The following LNPK variants were observed in gnomAD, a reference collection of about 807,000 sequenced individuals.
LNPK encodes the protein lunapark, ER junction formation factor, also known as endoplasmic reticulum junction formation protein lunapark.
Under a neutral mutation model 55.2 loss-of-function variants are expected in LNPK, and 29 were observed. The ratio of observed to expected loss-of-function variants is 0.53; its 90% CI spans 0.39 to 0.72. The LOEUF is 0.72. LNPK is among the 30% of genes least tolerant of loss of function. The probability of loss-of-function intolerance (pLI) is 0.00; values close to 1 mark genes in which losing one functional copy is unlikely to be tolerated. For missense variants in LNPK, 467 were observed against 494.8 expected (o/e 0.94, Z 0.53); for synonymous variants, 162 against 168.2 (o/e 0.96, Z 0.29).
chr2:175,946,958 T>C (rs566906950), intron 9 of LNPK, among the ~76,000 whole-genome samples: 6 of 152,174 alleles, frequency 3.9e-5, no homozygotes, highest in African/African-American at 1.4e-4. Context: ...AATATGTTCA[T>C]TTAATAGAGC....
chr2:175,954,825 G>T lies in LNPK; in HGVS notation c.494-7133C>A, dbSNP rs116238558. Among the ~76,000 whole-genome samples the T allele has an allele frequency of 2.7e-3, 415 of 152,250 alleles. 2 individuals carry two copies. Among genetic ancestry groups the T allele is most frequent in the African/African-American group, 9.4e-3 (389 of 41,540 alleles). On this transcript the variant is annotated intron_variant, in intron 8 of 12. Transcript: ENST00000272748. ...AACTCATTTATTAAGCAACCACTAAGAGTAAAGCACCAGCATAAGCACATT... is the reference window on the plus strand; with the variant it reads ...AACTCATTTATTAAGCAACCACTAATAGTAAAGCACCAGCATAAGCACATT...
At chr2:175,989,206 A>G (rs1687578374) in intron 4 of LNPK, among the ~76,000 whole-genome samples, 1 of 152,162 alleles carries the variant, frequency 6.6e-6, no homozygotes, top group Non-Finnish European at 1.5e-5. Context: ...GGGGAGAGAG[A>G]GGAGGCATGA....
intron 5 of LNPK, among the ~76,000 whole-genome samples, chr2:175,978,904 A>G (rs749450931): frequency 5.5e-4 from 83 of 152,258 alleles, no homozygotes; most frequent in Admixed American, 3.7e-3. Context: ...TCGTTGGGGT[A>G]GATTATAGGA....
chr2:175,954,014 G>A (rs901872430), intron 8 of LNPK, among the ~76,000 whole-genome samples: 3 of 152,094 alleles, frequency 2.0e-5, no homozygotes, highest in African/African-American at 7.2e-5. Flanking sequence ...CTCTTCCAGT[G>A]CTTGCACACG....
intron 5 of LNPK, 140 bp downstream of exon 5, chr2:175,979,670 T>C (rs1021262775): frequency 8.0e-6 from 5 of 621,508 alleles, no homozygotes; most frequent in Non-Finnish European, 1.2e-5. Context: ...ATTTATAACC[T>C]TTCTCATGCT....
In LNPK at chr2:176,002,180, C is replaced by T. The variant is rs990436983; in HGVS notation, c.-83G>A. 19 of 445,994 alleles carry T rather than the reference C, an allele frequency of 4.3e-5. No individual in the cohort carries two copies. The highest frequency in any genetic ancestry group is 7.6e-5 in the Non-Finnish European group (17 of 223,204). The allele number at this position is 445,994 out of a possible 1,614,324, so 27.6% of individuals were successfully genotyped here. A position where few individuals can be genotyped will look rare whatever the true frequency, so the allele number is the denominator to read the frequency against. Reference sequence around the variant, plus strand: ...TCTACCTGCAAGAAGCGGGCGCAGCCCGGCCCGGGCGTCCACCCCCGCCAG... The same window carrying T: ...TCTACCTGCAAGAAGCGGGCGCAGCTCGGCCCGGGCGTCCACCCCCGCCAG... On this transcript the variant is annotated 5_prime_UTR_variant, in exon 1 of 13. Transcript: ENST00000272748.
At position 175,995,804 on chromosome 2, in the gene LNPK, C is replaced by CTTTTTTTTTTTT. The variant is rs10674444; in HGVS notation, c.-62-170_-62-159dup. 3.8e-4 allele frequency among the ~76,000 whole-genome samples: 25 copies of CTTTTTTTTTTTT among 66,424 alleles called. 6 individuals are homozygous for CTTTTTTTTTTTT. Among genetic ancestry groups the CTTTTTTTTTTTT allele is most frequent in the East Asian group, 3.7e-3 (6 of 1,602 alleles). The allele number at this position is 66,424 out of a possible 152,430, so 43.6% of individuals were successfully genotyped here. ...AGACAGTTATTGGGATAGAGTCTAC[C>CTTTTTTTTTTTT]TTTTTTTTTTTTTTTTTTTTTTTTT... On this transcript the variant is annotated intron_variant, in intron 1 of 12. Transcript: ENST00000272748.
chr2:175,973,746 T>A (rs1686765473), intron 5 of LNPK, among the ~76,000 whole-genome samples: 1 of 152,254 alleles, frequency 6.6e-6, no homozygotes, highest in South Asian at 2.1e-4. Flanking sequence ...TGATAACATC[T>A]GTCAACTCAA....
intron 9 of LNPK, among the ~76,000 whole-genome samples, chr2:175,947,176 G>A (rs1022140928): frequency 6.6e-6 from 1 of 152,096 alleles, no homozygotes; most frequent in South Asian, 2.1e-4. Context: ...AAATCTGGAG[G>A]CATTCTAAAG....
chr2:175,940,647 A>C (rs372425961), intron 9 of LNPK, among the ~76,000 whole-genome samples: 1 of 152,188 alleles, frequency 6.6e-6, no homozygotes, highest in Non-Finnish European at 1.5e-5. Context: ...AGACATGCCA[A>C]TAAGCAGGAA....
At chr2:175,956,157 G>A (rs148555747) in intron 8 of LNPK, among the ~76,000 whole-genome samples, 105 of 151,696 alleles carry the variant, frequency 6.9e-4, no homozygotes, top group African/African-American at 2.4e-3. Context: ...GTACATACTC[G>A]TAGTCCCAGC....
At chr2:175,953,903 A>C (rs2105587149) in intron 8 of LNPK, among the ~76,000 whole-genome samples, 1 of 152,236 alleles carries the variant, frequency 6.6e-6, no homozygotes, top group South Asian at 2.1e-4. Context: ...ATGATGCAGA[A>C]AAAGCCCTTC....
At position 175,980,001 on chromosome 2, in the gene LNPK, A is replaced by T. The variant is rs1399281189; in HGVS notation, c.258-133T>A. The T allele has an allele frequency of 3.8e-6, 3 of 794,840 alleles. No individual in the cohort carries two copies. The East Asian group carries it at 9.1e-5, about 24-fold the overall frequency. The allele number at this position is 794,840 out of a possible 1,614,324, so 49.2% of individuals were successfully genotyped here. ...TCCCTTTATATACAGAAAACTAAAAAGCGTTTATTTCTGCCAGAGAACATC... is the reference window on the plus strand; with the variant it reads ...TCCCTTTATATACAGAAAACTAAAATGCGTTTATTTCTGCCAGAGAACATC... On this transcript the variant is annotated intron_variant, in intron 4 of 12. Coordinates refer to ENST00000272748, the MANE Select transcript of LNPK (RefSeq NM_030650.3).
intron 8 of LNPK, among the ~76,000 whole-genome samples, chr2:175,951,287 A>G (rs536996304): frequency 1.3e-5 from 2 of 152,004 alleles, no homozygotes; most frequent in African/African-American, 4.8e-5. Context: ...TAAGTTCTTT[A>G]GTGGTGATTT....
At chr2:175,980,374 G>GA (rs1308105989) in intron 4 of LNPK, among the ~76,000 whole-genome samples, 14 of 151,950 alleles carry the variant, frequency 9.2e-5, no homozygotes, top group African/African-American at 3.4e-4. Context: ...CTACCTGAAG[G>GA]AAAAATAAAC....
chr2:175,958,752 G>T (rs1306163884), intron 8 of LNPK, among the ~76,000 whole-genome samples: 1 of 152,036 alleles, frequency 6.6e-6, no homozygotes, highest in African/African-American at 2.4e-5. Context: ...GCTTCAGAAG[G>T]TCAGTAATAA....
Position 175,929,442 on chromosome 2 carries a change from A to C in LNPK, c.*525T>G, listed in dbSNP as rs1293802107. 7 of 986,268 alleles carry C rather than the reference A, an allele frequency of 7.1e-6. No homozygotes were observed. The African/African-American group carries it at 1.2e-4, about 17-fold the overall frequency. The allele number at this position is 986,268 out of a possible 1,614,324, so 61.1% of individuals were successfully genotyped here. A position where few individuals can be genotyped will look rare whatever the true frequency, so the allele number is the denominator to read the frequency against. ...TGCATTCTTATTGAGAATTCGTACC[A>C]GTGCCTATGTGGTAACAACTTTCAT... On this transcript the variant is annotated 3_prime_UTR_variant, in exon 13 of 13. Transcript: ENST00000272748.
chr2:175,962,785 A>T (rs1686113515), intron 8 of LNPK, among the ~76,000 whole-genome samples: 1 of 152,206 alleles, frequency 6.6e-6, no homozygotes, highest in African/African-American at 2.4e-5. Context: ...GAATGGGAGA[A>T]AATTTTTGCA....
At chr2:175,974,613 C>A (rs1686816839) in intron 5 of LNPK, among the ~76,000 whole-genome samples, 1 of 152,168 alleles carries the variant, frequency 6.6e-6, no homozygotes. Flanking sequence ...AAAAGCCAAT[C>A]ATGAGCTGTA....
Sources: allele counts gnomAD v4.1 joint callset (sites outside exome capture counted in the v4.1 genomes callset), GRCh38; gene constraint gnomAD v4.1.1; transcripts MANE v1.5; gene names NCBI Gene and HGNC (gene_info 2026-07-23, HGNC 2026-07-21).